Variants in MYO3B observed in about 807,000 individuals in gnomAD.
MYO3B encodes the protein myosin-IIIb.
In MYO3B, 156 loss-of-function variants were observed where a neutral mutation model predicts 174.6. The ratio of observed to expected loss-of-function variants is 0.89; its 90% confidence interval spans 0.78 to 1.02. The LOEUF (loss-of-function observed/expected upper bound fraction) is 1.02. MYO3B is among the 50% of genes least tolerant of loss of function. MYO3B has a pLI of 0.00. For synonymous variants in MYO3B, 563 were observed against 569.1 expected (o/e 0.99, Z 0.15); for missense variants, 1,632 against 1,639.4 (o/e 1.00, Z 0.08).
At chr2:170,602,156 C>T (rs1320225158) in intron 32 of MYO3B, 3 of 1,232,950 alleles carry the variant, frequency 2.4e-6, no homozygotes, top group Admixed American at 3.4e-5. Context: ...TTACACTCCT[C>T]CCGACAAGTT....
At chr2:170,564,289 A>G (rs984367592) in intron 32 of MYO3B, among the ~76,000 whole-genome samples, 1 of 152,152 alleles carries the variant, frequency 6.6e-6, no homozygotes, top group African/African-American at 2.4e-5. Flanking sequence ...CCTGGCCAAC[A>G]TGGTGAAACC....
intron 18 of MYO3B, 108 bp downstream of exon 18, chr2:170,401,799 T>TCTC: frequency 9.8e-7 from 1 of 1,023,524 alleles, no homozygotes. Context: ...TTTCTTTCTT[T>TCTC]TTCTTTTTTT....
At chr2:170,621,030 A>G (rs907540179) in intron 32 of MYO3B, among the ~76,000 whole-genome samples, 24 of 151,570 alleles carry the variant, frequency 1.6e-4, no homozygotes, top group African/African-American at 5.1e-4. Flanking sequence ...CTGGGATTAC[A>G]GGCACCCGCC....
At chr2:170,292,611 C>G (rs959893966) in intron 7 of MYO3B, among the ~76,000 whole-genome samples, 2 of 152,064 alleles carry the variant, frequency 1.3e-5, no homozygotes, top group Admixed American at 6.6e-5. Flanking sequence ...CTTTTTGCCT[C>G]TAGGTGGTAC....
At chr2:170,391,368 A>G (rs2094410533) in intron 14 of MYO3B, 152 bp from the exon 15 acceptor site, 1 of 525,412 alleles carries the variant, frequency 1.9e-6, no homozygotes, top group South Asian at 3.2e-5. Context: ...TACTAATCCT[A>G]TCACTATTCT....
chr2:170,452,225 G>C (rs1017256259), intron 23 of MYO3B, among the ~76,000 whole-genome samples: 99 of 152,024 alleles, frequency 6.5e-4, no homozygotes, highest in African/African-American at 2.0e-3. Context: ...GTAACATAAC[G>C]TAAAACCAAA....
chr2:170,252,611 C>T (rs1379454679), intron 7 of MYO3B, among the ~76,000 whole-genome samples: 3 of 152,078 alleles, frequency 2.0e-5, no homozygotes, highest in Non-Finnish European at 4.4e-5. Flanking sequence ...TTGGAGCTTA[C>T]ATTCTAGAGG....
At chr2:170,307,137 G>T (rs780421999) in intron 7 of MYO3B, among the ~76,000 whole-genome samples, 2 of 150,652 alleles carry the variant, frequency 1.3e-5, no homozygotes, top group Non-Finnish European at 2.9e-5. Flanking sequence ...TAACTACTTT[G>T]GAGGCTAAGG....
intron 28 of MYO3B, among the ~76,000 whole-genome samples, chr2:170,507,473 C>T (rs1687684908): frequency 1.3e-5 from 2 of 152,094 alleles, no homozygotes; most frequent in African/African-American, 2.4e-5. Flanking sequence ...GTTCTTGGCT[C>T]ACTGCAATCT....
intron 7 of MYO3B, among the ~76,000 whole-genome samples, chr2:170,320,437 G>T (rs534411000): frequency 6.6e-6 from 1 of 152,116 alleles, no homozygotes; most frequent in Non-Finnish European, 1.5e-5. Context: ...ACAAGGAGAT[G>T]TACATTGGTT....
intron 22 of MYO3B, 23 bp downstream of exon 22, chr2:170,407,867 C>T: frequency 1.2e-6 from 2 of 1,613,234 alleles, no homozygotes; most frequent in East Asian, 4.5e-5. Context: ...CCTCTGATAG[C>T]CCTGCTCTTA....
intron 9 of MYO3B, among the ~76,000 whole-genome samples, chr2:170,373,849 G>A (rs2094267259): frequency 1.3e-5 from 2 of 150,960 alleles, no homozygotes; most frequent in Admixed American, 6.6e-5. Flanking sequence ...AAAAAACTTA[G>A]CAAGGTTTCA....
chr2:170,633,476 T>C (rs528950574), intron 32 of MYO3B, among the ~76,000 whole-genome samples: 2 of 152,222 alleles, frequency 1.3e-5, no homozygotes, highest in Admixed American at 6.5e-5. Flanking sequence ...TATCTCAAAA[T>C]AGTAAGAGCT....
intron 9 of MYO3B, among the ~76,000 whole-genome samples, chr2:170,370,624 TACACACACAC>T (rs55790344): frequency 0.021 from 2,712 of 129,496 alleles, 77 homozygotes; most frequent in African/African-American, 0.062. Flanking sequence ...ACCACCCACC[TACACACACAC>T]ACACACACAC....
chr2:170,443,191 C>G (rs905090822), intron 22 of MYO3B, among the ~76,000 whole-genome samples: 6 of 152,250 alleles, frequency 3.9e-5, no homozygotes, highest in Admixed American at 3.3e-4. Context: ...GCCATTCTAA[C>G]TGGCGTGAGA....
intron 5 of MYO3B, among the ~76,000 whole-genome samples, chr2:170,215,695 C>T (rs2092820382): frequency 6.6e-6 from 1 of 152,150 alleles, no homozygotes; most frequent in Admixed American, 6.5e-5. Context: ...TCTATTTTTA[C>T]TGAAACACAA....
intron 25 of MYO3B, among the ~76,000 whole-genome samples, chr2:170,489,605 G>C (rs943411980): frequency 6.7e-6 from 1 of 150,050 alleles, no homozygotes; most frequent in Non-Finnish European, 1.5e-5. Context: ...AGAGCAATCA[G>C]GGTTCTCCAG....
chr2:170,520,719 G>A (rs1299997334), intron 30 of MYO3B, among the ~76,000 whole-genome samples: 12 of 152,040 alleles, frequency 7.9e-5, no homozygotes, highest in Admixed American at 7.9e-4. Context: ...CAAGCTGCAG[G>A]GCCCGATACC....
chr2:170,468,913 C>A (rs1204366253), intron 25 of MYO3B, among the ~76,000 whole-genome samples: 1 of 152,068 alleles, frequency 6.6e-6, no homozygotes, highest in Non-Finnish European at 1.5e-5. Context: ...GTAATCCTAG[C>A]ACTTTGGGAG....
Sources: gnomAD v4.1 joint callset for allele counts (sites outside exome capture counted in the v4.1 genomes callset) on GRCh38, gnomAD v4.1.1 for gene constraint, MANE v1.5 for transcripts, NCBI Gene and HGNC (gene_info 2026-07-23, HGNC 2026-07-21) for gene names.